TNXB: variants seen among roughly 807,000 people sequenced by gnomAD.
TNXB encodes the protein tenascin-X.
In TNXB, 183 loss-of-function variants were observed where a neutral mutation model predicts 340.5. The observed-to-expected ratio is 0.54, with a 90% CI of 0.48 to 0.61. TNXB has a LOEUF of 0.61. Ranked by LOEUF, TNXB falls within the 20% of genes least tolerant of loss-of-function variation. TNXB has a pLI of 0.00. For missense variants in TNXB, 4,613 were observed against 5,446.4 expected (o/e 0.85, Z 4.82); for synonymous variants, 2,121 against 2,314.5 (o/e 0.92, Z 2.40).
rs781610295 is a variant in TNXB, at chr6:32,087,870, T to A, written c.2779+915A>T. On this transcript the variant is annotated intron_variant, in intron 6 of 43. Transcript: ENST00000644971. The surrounding 1 kb of genome is among the most constrained non-coding windows in gnomAD (Gnocchi z 9.0). ...GCCTGGGCGGGGACTCCTCCTCCCTTTCCTCTGCTGGCCTCGAGGGCCAAG... is the reference window on the plus strand; with the variant it reads ...GCCTGGGCGGGGACTCCTCCTCCCTATCCTCTGCTGGCCTCGAGGGCCAAG... The A allele has an allele frequency of 2.3e-6, 1 of 441,306 alleles. No individual in the cohort carries two copies. Among genetic ancestry groups the A allele is most frequent in the Non-Finnish European group, 4.5e-6 (1 of 222,900 alleles). The allele number at this position is 441,306 out of a possible 1,614,324, so 27.3% of individuals were successfully genotyped here.
intron 1 of TNXB, among the ~76,000 whole-genome samples, chr6:32,099,390 G>A (rs1371881849): frequency 6.6e-6 from 1 of 152,002 alleles, no homozygotes; most frequent in African/African-American, 2.4e-5. Flanking sequence ...CCACCTCCAT[G>A]CCCAGCTAAT....
At position 32,082,205 on chromosome 6, in the gene TNXB, G is replaced by A. The variant is rs751328339; in HGVS notation, c.3567C>T (p.Phe1189=). ...WTVPEGQFDT[F]MVQYRDRDGR... Reference sequence around the variant, plus strand: ...CATCCCTGTCCCTGTACTGGACCATGAAGGTGTCAAACTGGCCCTCAGGGA... The same window carrying A: ...CATCCCTGTCCCTGTACTGGACCATAAAGGTGTCAAACTGGCCCTCAGGGA... Residue 1189 remains phenylalanine (F), a synonymous_variant, in exon 9 of 44, where the codon TTC becomes TTT. Coordinates refer to ENST00000644971, the MANE Select transcript of TNXB (RefSeq NM_001365276.2). The surrounding 1 kb of genome is among the most constrained non-coding windows in gnomAD (Gnocchi z 5.0). The A allele has an allele frequency of 2.4e-5, 38 of 1,612,330 alleles. No homozygotes were observed. Among genetic ancestry groups the A allele is most frequent in the African/African-American group, 9.3e-5 (7 of 74,902 alleles).
chr6:32,048,290 G>C, intron 29 of TNXB, 73 bp downstream of exon 29: 1 of 1,426,512 alleles, frequency 7.0e-7, no homozygotes, highest in Non-Finnish European at 9.3e-7. Flanking sequence ...GTGGGGCACA[G>C]AACGTGAAAT....
Position 32,108,378 on chromosome 6 carries a change from G to A in TNXB, c.-9+803C>T, listed in dbSNP as rs1196916562. On this transcript the variant is annotated intron_variant, in intron 1 of 43. Transcript: ENST00000644971. The surrounding 1 kb of genome is among the most constrained non-coding windows in gnomAD (Gnocchi z 4.8). ...GTGGGGGGCGGGGGCGGCGAGGTGA[G>A]GGAGAGTGCGGGTTCAGACAGACAG... is the stretch of plus-strand genomic sequence containing the variant. Among the ~76,000 whole-genome samples, 2 of 152,274 alleles carry A rather than the reference G, an allele frequency of 1.3e-5. No homozygotes were observed. The highest frequency in any genetic ancestry group is 2.4e-5 in the African/African-American group (1 of 41,542).
chr6:32,094,736 C>T (rs1179003618), intron 4 of TNXB, among the ~76,000 whole-genome samples: 1 of 152,172 alleles, frequency 6.6e-6, no homozygotes, highest in Non-Finnish European at 1.5e-5. Flanking sequence ...CTGATGAATA[C>T]CCAGCTAGGG....
intron 11 of TNXB, among the ~76,000 whole-genome samples, chr6:32,076,666 G>A (rs1371044337): frequency 2.0e-5 from 3 of 152,208 alleles, no homozygotes; most frequent in South Asian, 2.1e-4. Context: ...TGAGGTTCCA[G>A]GAGAGGAGGT....
Position 32,049,990 on chromosome 6 carries a change from T to G in TNXB, c.9439+8A>C. ...GCTCCCACCCTGGGGCTCCCATCAT[T>G]CACTCACCCGTCACCCCAATGGCAG... On this transcript the variant is annotated splice_region_variant and intron_variant, in intron 27 of 43. Coordinates refer to ENST00000644971, the MANE Select transcript of TNXB (RefSeq NM_001365276.2). The surrounding 1 kb of genome is among the most constrained non-coding windows in gnomAD (Gnocchi z 4.5). 6.2e-7 allele frequency: 1 copy of G among 1,612,754 alleles called. No individual in the cohort carries two copies. The highest frequency in any genetic ancestry group is 8.5e-7 in the Non-Finnish European group (1 of 1,179,032).
At chr6:32,057,942 G>T in intron 22 of TNXB, 116 bp downstream of exon 22, 2 of 1,234,518 alleles carry the variant, frequency 1.6e-6, no homozygotes, top group Non-Finnish European at 2.2e-6. Context: ...CCATAATGTT[G>T]CTATATTCCT....
intron 13 of TNXB, among the ~76,000 whole-genome samples, chr6:32,071,646 C>T (rs1037659830): frequency 1.3e-5 from 2 of 148,818 alleles, no homozygotes; most frequent in African/African-American, 2.5e-5. Context: ...AGTGCAGTGG[C>T]GCAATCTCAG....
In TNXB at chr6:32,049,572, C is replaced by G. The variant is rs533227887; in HGVS notation, c.9455G>C (p.Ser3152Thr). ...GGCCTCAGTGCTGGGTTCTGTGGGG[C>G]TGGGGGTCTCTTCCTCTGCAGTGGA... is the stretch of plus-strand genomic sequence containing the variant. ...AIGVTEEETP[S>T]PTEPSTEAPE... Residue 3152 changes from serine to threonine, a missense_variant, in exon 28 of 44, where the codon AGC becomes ACC. This residue lies in a region of TNXB where 4,327 missense variants were observed against 4,859.4 expected (regional missense o/e 0.89). Coordinates refer to ENST00000644971, the MANE Select transcript of TNXB (RefSeq NM_001365276.2). This position sits in a 1 kb window ranked among gnomAD's most constrained non-coding sequence, Gnocchi z 4.5. 31 of 1,611,366 alleles carry G rather than the reference C, an allele frequency of 1.9e-5. No homozygotes were observed. In the Admixed American group the frequency reaches 3.7e-4, roughly 19 times the overall value.
At position 32,075,474 on chromosome 6, in the gene TNXB, T is replaced by C. The variant is rs1779031460; in HGVS notation, c.4376-1522A>G. Among the ~76,000 whole-genome samples, 1 of 152,238 alleles carries C rather than the reference T, an allele frequency of 6.6e-6. No homozygotes were observed. Among genetic ancestry groups the C allele is most frequent in the Non-Finnish European group, 1.5e-5 (1 of 68,044 alleles). ...CTGGGATGCTCTTTCCCCAAAGGCC[T>C]AGGTGGCTGTCCTCTCACCTCCTTC... On this transcript the variant is annotated intron_variant, in intron 11 of 43. Transcript: ENST00000644971. This position sits in a 1 kb window ranked among gnomAD's most constrained non-coding sequence, Gnocchi z 4.6.
chr6:32,093,932 A>G (rs1332512287), intron 4 of TNXB, among the ~76,000 whole-genome samples: 1 of 151,946 alleles, frequency 6.6e-6, no homozygotes, highest in Non-Finnish European at 1.5e-5. Context: ...CGTCTCTACT[A>G]AAAATACAAA....
intron 25 of TNXB, 148 bp from the exon 26 acceptor site, chr6:32,053,141 A>T: frequency 9.0e-7 from 1 of 1,110,086 alleles, no homozygotes; most frequent in Non-Finnish European, 1.3e-6. Context: ...GGTCTTGCTC[A>T]GTTTACAGTC....
rs1778491073 is a variant in TNXB at position 32,067,935 on chromosome 6, C to A, written c.6270G>T (p.Pro2090=). ...CCAGGAGCGGCTCCTCAGCGGGCTC[C>A]GGGGCCTCCATGCTGGGTTCTGTGG... ...PSPTEPSMEA[P]EPAEEPLLGE... The change falls in exon 18 of 44, where the codon CCG becomes CCT. Residue 2090 remains proline (P), a synonymous_variant. Transcript: ENST00000644971. This position sits in a 1 kb window ranked among gnomAD's most constrained non-coding sequence, Gnocchi z 4.2. 2.5e-6 allele frequency: 4 copies of A among 1,612,540 alleles called. No homozygotes were observed. The highest frequency in any genetic ancestry group is 3.4e-6 in the Non-Finnish European group (4 of 1,179,870).
At position 32,096,820 on chromosome 6, in the gene TNXB, C is replaced by G. The variant is rs1780419310; in HGVS notation, c.1033G>C (p.Asp345His). 5 of 1,599,668 alleles carry G rather than the reference C, an allele frequency of 3.1e-6. No individual in the cohort carries two copies. The highest frequency in any genetic ancestry group is 4.3e-6 in the Non-Finnish European group (5 of 1,174,052). Residue 345 changes from aspartate to histidine, a missense_variant, in exon 3 of 44, where the codon GAC (aspartate) becomes CAC (histidine). Coordinates refer to ENST00000644971, the MANE Select transcript of TNXB (RefSeq NM_001365276.2). ...ACGCAGCGCCCGCCCTCGCCACAGT[C>G]CCAGGGGCAGCTCCGCGTACCACAG... ...EDCGTRSCPW[D>H]CGEGGRCVDG...
At position 32,081,577 on chromosome 6, in the gene TNXB, C is replaced by T. The variant is rs368042869; in HGVS notation, c.3833G>A (p.Arg1278His). The T allele has an allele frequency of 2.1e-5, 34 of 1,603,006 alleles. No homozygotes were observed. In the African/African-American group the frequency reaches 2.7e-4, roughly 13 times the overall value. The change falls in exon 10 of 44, where the codon CGT becomes CAT. Residue 1278 changes from arginine (R) to histidine (H), a missense_variant. By Grantham distance (29) the Arg-to-His change is conservative. Coordinates refer to ENST00000644971, the MANE Select transcript of TNXB (RefSeq NM_001365276.2). The surrounding 1 kb of genome is among the most constrained non-coding windows in gnomAD (Gnocchi z 5.1). Reference sequence around the variant, plus strand: ...GCCCTGGGCCACTGTCCATGAGAGACGCAAGGAGTCTGGGGTCACGCCGGT... The same window carrying T: ...GCCCTGGGCCACTGTCCATGAGAGATGCAAGGAGTCTGGGGTCACGCCGGT... ...TVTGVTPDSLRLSWTVAQGPF... is the reference protein window; with the variant it reads ...TVTGVTPDSLHLSWTVAQGPF...
In TNXB at chr6:32,058,040, C is replaced by T. The variant is rs758473583; in HGVS notation, c.7825+18G>A. ...TCTAGGGCTGTCTTCCAACCCTGCC[C>T]CACCCACACTCACTCACCTGTGACG... On this transcript the variant is annotated intron_variant, in intron 22 of 43. Transcript: ENST00000644971. The surrounding 1 kb of genome is among the most constrained non-coding windows in gnomAD (Gnocchi z 5.1). 25 of 1,590,840 alleles carry T rather than the reference C, an allele frequency of 1.6e-5. No homozygotes were observed. The South Asian group carries it at 2.8e-4, about 18-fold the overall frequency.
intron 3 of TNXB, 45 bp downstream of exon 3, chr6:32,095,566 C>T (rs1166446499): frequency 9.5e-6 from 15 of 1,574,996 alleles, no homozygotes; most frequent in Non-Finnish European, 1.1e-5. Flanking sequence ...CTCCTGTTCA[C>T]AGAATCACAG....
intron 1 of TNXB, among the ~76,000 whole-genome samples, chr6:32,105,548 G>A (rs570157002): frequency 1.3e-4 from 20 of 152,170 alleles, no homozygotes; most frequent in African/African-American, 3.9e-4. Context: ...AATATTTACC[G>A]ACTATATGAA....
Sources: allele counts gnomAD v4.1 joint callset (sites outside exome capture counted in the v4.1 genomes callset), GRCh38; gene constraint gnomAD v4.1.1; regional missense constraint gnomAD v4.1.1; non-coding constraint Gnocchi (gnomAD v3.1); transcripts MANE v1.5; gene names NCBI Gene and HGNC (gene_info 2026-07-23, HGNC 2026-07-21).